The following CTBP2 variants were observed in gnomAD, a reference collection of about 807,000 sequenced individuals.
CTBP2 encodes C-terminal-binding protein 2.
Under a neutral mutation model 80.3 loss-of-function variants are expected in CTBP2, and 30 were observed. The ratio of observed to expected loss-of-function variants is 0.37; its 90% confidence interval spans 0.28 to 0.51. The LOEUF is 0.51. Ranked by LOEUF, CTBP2 falls within the 20% of genes least tolerant of loss-of-function variation. The pLI is 0.93. For missense variants in CTBP2, 1,212 were observed against 1,375.3 expected (o/e 0.88, Z 1.88); for synonymous variants, 594 against 587.4 (o/e 1.01, Z -0.16).
intron 1 of CTBP2, among the ~76,000 whole-genome samples, chr10:125,118,356 G>A (rs1853692769): frequency 6.6e-6 from 1 of 152,198 alleles, no homozygotes; most frequent in South Asian, 2.1e-4. Flanking sequence ...GCGTGAGATG[G>A]GAGAATGCCA....
chr10:125,072,341 G>A (rs773659522), intron 2 of CTBP2, among the ~76,000 whole-genome samples: 1 of 152,036 alleles, frequency 6.6e-6, no homozygotes, highest in Non-Finnish European at 1.5e-5. Context: ...GAAGCTGGGT[G>A]CAGTGACTCA....
intron 1 of CTBP2, among the ~76,000 whole-genome samples, chr10:125,136,944 T>TCAGGAG: frequency 6.6e-6 from 1 of 152,264 alleles, no homozygotes; most frequent in East Asian, 1.9e-4. Flanking sequence ...CGGGCTCGTG[T>TCAGGAG]CAGGAGCAGG....
At chr10:125,045,789 C>T (rs568510098) in intron 2 of CTBP2, among the ~76,000 whole-genome samples, 2 of 152,218 alleles carry the variant, frequency 1.3e-5, no homozygotes, top group South Asian at 2.1e-4. Context: ...CAAGCCCAGT[C>T]GTGACCCTTT....
At chr10:125,036,507 GAAAAA>G (rs57551359) in intron 3 of CTBP2, among the ~76,000 whole-genome samples, 1 of 148,998 alleles carries the variant, frequency 6.7e-6, no homozygotes, top group Non-Finnish European at 1.5e-5. Flanking sequence ...CATTTAGAAA[GAAAAA>G]AAAAACAAAC....
At chr10:125,146,765 T>C (rs1318924059) in intron 1 of CTBP2, among the ~76,000 whole-genome samples, 1 of 152,116 alleles carries the variant, frequency 6.6e-6, no homozygotes, top group Non-Finnish European at 1.5e-5. Context: ...CACAGAGCAG[T>C]TAACACTGGC....
chr10:124,996,067 T>A (rs888379131), intron 4 of CTBP2: 1 of 143,502 alleles, frequency 7.0e-6, no homozygotes, highest in Non-Finnish European at 1.6e-5. Context: ...TTTTTTTTTT[T>A]TAAAGTTCAC....
intron 2 of CTBP2, among the ~76,000 whole-genome samples, chr10:125,056,682 G>C (rs961067050): frequency 6.6e-6 from 1 of 152,190 alleles, no homozygotes; most frequent in South Asian, 2.1e-4. Flanking sequence ...CCTCTAGAAC[G>C]GCCACAGAGT....
chr10:125,057,107 G>C (rs1366899156), intron 2 of CTBP2, among the ~76,000 whole-genome samples: 3 of 152,262 alleles, frequency 2.0e-5, no homozygotes, highest in African/African-American at 7.2e-5. Context: ...AGCAAGGCCA[G>C]AAGGCAGTGC....
intron 2 of CTBP2, among the ~76,000 whole-genome samples, chr10:125,094,311 C>G (rs1473921082): frequency 6.6e-6 from 1 of 152,178 alleles, no homozygotes; most frequent in Non-Finnish European, 1.5e-5. Context: ...GTCAAATGCA[C>G]TGTCATGAAC....
At chr10:125,016,566 G>T (rs1956512063) in intron 1 of CTBP2, among the ~76,000 whole-genome samples, 1 of 152,266 alleles carries the variant, frequency 6.6e-6, no homozygotes, top group Admixed American at 6.5e-5. Context: ...TGGCAGCCAA[G>T]GCTGAGATGG....
intron 1 of CTBP2, among the ~76,000 whole-genome samples, chr10:125,136,339 C>T (rs994034872): frequency 6.6e-6 from 1 of 152,204 alleles, no homozygotes; most frequent in Non-Finnish European, 1.5e-5. Flanking sequence ...CCAGACACAT[C>T]CCCCTGTCTG....
chr10:125,148,217 C>A (rs1013906722), intron 1 of CTBP2, among the ~76,000 whole-genome samples: 2 of 152,296 alleles, frequency 1.3e-5, no homozygotes, highest in East Asian at 3.9e-4. Context: ...TCTCTGGTCA[C>A]CAGCCACCAA....
At chr10:125,072,685 GA>G (rs1845693700) in intron 2 of CTBP2, among the ~76,000 whole-genome samples, 2 of 118,020 alleles carry the variant, frequency 1.7e-5, no homozygotes, top group Non-Finnish European at 3.7e-5. Flanking sequence ...CCAAAACAAA[GA>G]AACAGATGCC....
At chr10:125,039,253 C>G (rs1959175366) in intron 2 of CTBP2, 98 bp from the exon 3 acceptor site, 1 of 514,938 alleles carries the variant, frequency 1.9e-6, no homozygotes, top group Admixed American at 3.7e-5. Context: ...ATAAGGGAAC[C>G]TGCCATGCGG....
rs372924415 is a variant in CTBP2 at position 125,056,803 on chromosome 10, C to T, written c.-101-17648G>A. ...CCCAACCCCATCACGGGCAGCAATG[C>T]GGACAGGTCACACAAGTGCCATGGG... is the stretch of plus-strand genomic sequence containing the variant. On this transcript the variant is annotated intron_variant, in intron 2 of 10. Transcript: ENST00000337195. Among the ~76,000 whole-genome samples, 12 of 152,362 alleles carry T rather than the reference C, an allele frequency of 7.9e-5. No homozygotes were observed. The East Asian group carries it at 1.9e-3, about 24-fold the overall frequency.
At chr10:125,135,260 AC>A (rs577502619) in intron 1 of CTBP2, among the ~76,000 whole-genome samples, 211 of 152,016 alleles carry the variant, frequency 1.4e-3, no homozygotes, top group African/African-American at 4.3e-3. Flanking sequence ...TCCCTGCAGC[AC>A]CCGCTCCACC....
intron 2 of CTBP2, among the ~76,000 whole-genome samples, chr10:125,073,621 G>A (rs189299917): frequency 3.3e-5 from 5 of 152,316 alleles, no homozygotes; most frequent in South Asian, 2.1e-4. Flanking sequence ...CGATTTGTAC[G>A]TGGCAAACAA....
At chr10:125,005,832 A>G in intron 1 of CTBP2, 2 of 1,597,076 alleles carry the variant, frequency 1.3e-6, no homozygotes, top group South Asian at 2.2e-5. Flanking sequence ...GCCCACACAC[A>G]GTGAGGAACA....
chr10:125,027,668 G>A lies in CTBP2; in HGVS notation c.92C>T (p.Ser31Phe), dbSNP rs1957789209. The A allele has an allele frequency of 6.2e-7, 1 of 1,613,982 alleles. No individual in the cohort carries two copies. The highest frequency in any genetic ancestry group is 2.2e-5 in the East Asian group (1 of 44,868). ...GCTTCTCCTCCCCAGAGGCCGCAGG[G>A]ACTCGGCGTTCTCCCAGGGGCCCTC... is the stretch of plus-strand genomic sequence containing the variant. Residue 31 changes from serine (S) to phenylalanine (F), a missense_variant, in exon 1 of 9, where the codon TCC (serine) becomes TTC (phenylalanine). By Grantham distance (155) the Ser-to-Phe change is radical. Transcript: ENST00000309035.
Sources: allele counts gnomAD v4.1 joint callset (sites outside exome capture counted in the v4.1 genomes callset), GRCh38; gene constraint gnomAD v4.1.1; transcripts MANE v1.5; gene names NCBI Gene and HGNC (gene_info 2026-07-23, HGNC 2026-07-21).